The following SLC45A4 variants were observed in gnomAD, a reference collection of about 807,000 sequenced individuals.
The protein encoded by SLC45A4 is solute carrier family 45 member 4.
Under a neutral mutation model 63.7 loss-of-function variants are expected in SLC45A4, and 32 were observed. The observed-to-expected ratio is 0.50, with a 90% CI of 0.38 to 0.67. The LOEUF is 0.67. SLC45A4 is among the 30% of genes least tolerant of loss of function. The probability of loss-of-function intolerance (pLI) is 0.00; values close to 1 mark genes in which losing one functional copy is unlikely to be tolerated. For synonymous variants in SLC45A4, 535 were observed against 510.0 expected, an observed-to-expected ratio of 1.05 and a Z score of -0.66; for missense variants, 1,027 against 1,157.7, an observed-to-expected ratio of 0.89 and a Z score of 1.64.
intron 1 of SLC45A4, among the ~76,000 whole-genome samples, chr8:141,295,565 A>G (rs1830515099): frequency 1.3e-5 from 2 of 152,210 alleles, no homozygotes; most frequent in Non-Finnish European, 1.5e-5. Context: ...AGATGCAAAG[A>G]AGCTGGTCTG....
chr8:141,207,978 C>T lies in SLC45A4; in HGVS notation c.*3594G>A, dbSNP rs757691372. ...GTCCCTCACGACAGGCCTGTGGCACCAGGCTTGGAGGCAGGGAGCTGGTGT... is the reference window on the plus strand; with the variant it reads ...GTCCCTCACGACAGGCCTGTGGCACTAGGCTTGGAGGCAGGGAGCTGGTGT... On this transcript the variant is annotated 3_prime_UTR_variant, in exon 9 of 9. Transcript: ENST00000517878. 1.3e-5 allele frequency: 2 copies of T among 152,302 alleles called. No homozygotes were observed. Among genetic ancestry groups the T allele is most frequent in the Non-Finnish European group, 2.9e-5 (2 of 68,100 alleles). 9.4% of individuals were successfully genotyped at this position (152,302 alleles called of 1,614,324 possible). A position where few individuals can be genotyped will look rare whatever the true frequency, so the allele number is the denominator to read the frequency against.
At position 141,218,019 on chromosome 8, in the gene SLC45A4, C is replaced by A; in HGVS notation, c.1621G>T (p.Asp541Tyr). The stretch of plus-strand genomic sequence containing the variant: ...GGTGGCCGAGCACTCACCTTGGGGT[C>A]GCCTTCGAAGATGACCTGGCCCATG... ...DFMGQVIFEG[D>Y]PKAPSNSTAW... The change falls in exon 5 of 9, where the codon GAC becomes TAC. Residue 541 changes from aspartate (D) to tyrosine (Y), a missense_variant. Transcript: ENST00000517878. 2 of 1,600,614 alleles carry A rather than the reference C, an allele frequency of 1.2e-6. No homozygotes were observed. The highest frequency in any genetic ancestry group is 1.7e-6 in the Non-Finnish European group (2 of 1,172,932).
At chr8:141,247,005 GA>G (rs1383725974) in intron 2 of SLC45A4, among the ~76,000 whole-genome samples, 1 of 151,972 alleles carries the variant, frequency 6.6e-6, no homozygotes, top group African/African-American at 2.4e-5. Flanking sequence ...CAAGTAAGCA[GA>G]AGAAAACAAA....
rs918571374 is a variant in SLC45A4 at position 141,229,477 on chromosome 8, G to A, written c.242-7712C>T. Among the ~76,000 whole-genome samples, 9 of 152,212 alleles carry A rather than the reference G, an allele frequency of 5.9e-5. No homozygotes were observed. The highest frequency in any genetic ancestry group is 2.2e-4 in the African/African-American group (9 of 41,532). On this transcript the variant is annotated intron_variant, in intron 2 of 8. Transcript: ENST00000517878. This position sits in a 1 kb window ranked among gnomAD's most constrained non-coding sequence, Gnocchi z 5.0. ...AGCCACGGCCACTGGGGAGGGTCCA[G>A]CCAGTGCCTTCCCCGGGTAGGGGCA...
intron 1 of SLC45A4, among the ~76,000 whole-genome samples, chr8:141,281,008 G>A (rs937465397): frequency 2.6e-5 from 4 of 152,226 alleles, no homozygotes; most frequent in African/African-American, 9.6e-5. Flanking sequence ...AGCATCGCAC[G>A]AGTTCCCCTG....
intron 2 of SLC45A4, chr8:141,226,886 G>T (rs1200928188): frequency 6.6e-6 from 1 of 152,186 alleles, no homozygotes; most frequent in African/African-American, 2.4e-5. Context: ...GAGTATCAGG[G>T]GACAGCTTCC....
rs996055974 is a variant in SLC45A4, at chr8:141,209,634, T to C, written c.*1938A>G. 2.6e-5 allele frequency: 4 copies of C among 152,284 alleles called. No individual in the cohort carries two copies. Among genetic ancestry groups the C allele is most frequent in the Non-Finnish European group, 5.9e-5 (4 of 68,096 alleles). 9.4% of individuals were successfully genotyped at this position (152,284 alleles called of 1,614,324 possible). ...CTGACAGCTTGACGAGTCTACAAAG[T>C]GTGCAGCCACCGACTCCTGTCACCG... On this transcript the variant is annotated 3_prime_UTR_variant, in exon 9 of 9. Coordinates refer to ENST00000517878, the MANE Select transcript of SLC45A4 (RefSeq NM_001286646.2).
rs1204616840 is a variant in SLC45A4, at chr8:141,245,235, G to A, written c.241+8754C>T. Among the ~76,000 whole-genome samples, 3 of 152,190 alleles carry A rather than the reference G, an allele frequency of 2.0e-5. No homozygotes were observed. In the East Asian group the frequency reaches 5.8e-4, roughly 29 times the overall value. On this transcript the variant is annotated intron_variant, in intron 2 of 8. Transcript: ENST00000517878. Reference sequence around the variant, plus strand: ...TGCTGGTATCTGCTGAGATAAGTAAGGCTACACACTTGGAACATGGTCGAT... The same window carrying A: ...TGCTGGTATCTGCTGAGATAAGTAAAGCTACACACTTGGAACATGGTCGAT...
chr8:141,258,059 CCTTTT>C (rs887305984), intron 1 of SLC45A4, among the ~76,000 whole-genome samples: 2 of 114,734 alleles, frequency 1.7e-5, no homozygotes, highest in African/African-American at 3.3e-5. Flanking sequence ...GTTTCTTCTT[CCTTTT>C]TTTTTTTTTT....
rs545945981 is a variant in SLC45A4, at chr8:141,290,995, C to G, written c.-401+17101G>C. ...TTCCAAGTAGCTGGGATTACAGGTG[C>G]CTGCCACCATGCCGGGCTAATTTTT... On this transcript the variant is annotated intron_variant, in intron 1 of 8. Transcript: ENST00000517878. 4.5e-3 allele frequency among the ~76,000 whole-genome samples: 681 copies of G among 152,276 alleles called. 3 individuals carry two copies. The highest frequency in any genetic ancestry group is 0.016 in the African/African-American group (657 of 41,546).
In SLC45A4 at chr8:141,218,650, G is replaced by A. The variant is rs138475026; in HGVS notation, c.990C>T (p.Ile330=). 3.3e-4 allele frequency: 539 copies of A among 1,613,224 alleles called. No homozygotes were observed. Among genetic ancestry groups the A allele is most frequent in the Non-Finnish European group, 4.2e-4 (498 of 1,179,912 alleles). ...LEPELLFLHD[I]EPSIFHDASY... ...AGGCGTCGTGGAAGATGGAGGGCTC[G>A]ATGTCGTGCAGGAACAGCAGCTCGG... Residue 330 remains isoleucine (I), a synonymous_variant, in exon 5 of 9, where the codon ATC becomes ATT. Coordinates refer to ENST00000517878, the MANE Select transcript of SLC45A4 (RefSeq NM_001286646.2).
intron 1 of SLC45A4, among the ~76,000 whole-genome samples, chr8:141,276,171 G>A (rs970575244): frequency 2.0e-5 from 3 of 152,022 alleles, no homozygotes; most frequent in African/African-American, 4.8e-5. Context: ...CAAATTGCTG[G>A]GATTACAAGT....
chr8:141,276,121 T>G (rs961801095), intron 1 of SLC45A4, among the ~76,000 whole-genome samples: 3 of 152,108 alleles, frequency 2.0e-5, no homozygotes, highest in Non-Finnish European at 4.4e-5. Context: ...AGGCTGGTCT[T>G]GAACTCCTGG....
At chr8:141,258,086 A>T (rs1828881479) in intron 1 of SLC45A4, among the ~76,000 whole-genome samples, 2 of 137,450 alleles carry the variant, frequency 1.5e-5, no homozygotes, top group African/African-American at 2.7e-5. Context: ...TTTTTTTAAC[A>T]ATCCTTTAAA....
At chr8:141,248,005 T>C (rs1828298935) in intron 2 of SLC45A4, among the ~76,000 whole-genome samples, 1 of 152,014 alleles carries the variant, frequency 6.6e-6, no homozygotes, top group South Asian at 2.1e-4. Flanking sequence ...TCAAAATGGA[T>C]CACAGACCTA....
chr8:141,249,126 G>A (rs759720869), intron 2 of SLC45A4, among the ~76,000 whole-genome samples: 7 of 152,162 alleles, frequency 4.6e-5, no homozygotes, highest in South Asian at 4.2e-4. Context: ...AAACATTGAC[G>A]ACGATGTGGA....
chr8:141,211,794 T>TG, intron 8 of SLC45A4, 97 bp from the exon 9 acceptor site: 1 of 1,365,658 alleles, frequency 7.3e-7, no homozygotes, highest in Non-Finnish European at 9.5e-7. Flanking sequence ...TGTCAGATTT[T>TG]GTTTTCAATT....
intron 1 of SLC45A4, among the ~76,000 whole-genome samples, chr8:141,298,319 C>A (rs1830633584): frequency 6.6e-6 from 1 of 152,246 alleles, no homozygotes; most frequent in South Asian, 2.1e-4. Flanking sequence ...CAGACGTTTT[C>A]CGCACCCAGC....
chr8:141,211,687 C>A lies in SLC45A4; in HGVS notation c.2312G>T (p.Gly771Val). 1 of 1,584,976 alleles carries A rather than the reference C, an allele frequency of 6.3e-7. No individual in the cohort carries two copies. The highest frequency in any genetic ancestry group is 2.2e-5 in the East Asian group (1 of 44,452). ...PVETESVTPA[G>V]IDVCQISSHW... ...TGACGAGATCTGACAGACGTCAATACCTGCAGGCGTCTACAGAGAGGAAAT... is the reference window on the plus strand; with the variant it reads ...TGACGAGATCTGACAGACGTCAATAACTGCAGGCGTCTACAGAGAGGAAAT... The change falls in exon 9 of 9, where the codon GGT (glycine) becomes GTT (valine). Residue 771 changes from glycine (G) to valine (V), a missense_variant. Transcript: ENST00000517878.
Sources: allele counts gnomAD v4.1 joint callset (sites outside exome capture counted in the v4.1 genomes callset), GRCh38; gene constraint gnomAD v4.1.1; non-coding constraint Gnocchi (gnomAD v3.1); transcripts MANE v1.5; gene names NCBI Gene and HGNC (gene_info 2026-07-23, HGNC 2026-07-21).